Variants in TCAIM observed in about 807,000 individuals in gnomAD.
TCAIM encodes T-cell activation inhibitor, mitochondrial.
A neutral mutation model predicts 58.6 loss-of-function variants in TCAIM; 36 were observed. The observed-to-expected ratio is 0.61, with a 90% CI of 0.47 to 0.81. The LOEUF (loss-of-function observed/expected upper bound fraction) is 0.81. Among genes scored for constraint, TCAIM ranks in the 30% least tolerant of loss-of-function variants. The pLI is 0.00. For missense variants in TCAIM, 466 were observed against 579.6 expected, an observed-to-expected ratio of 0.80 and a Z score of 2.01; for synonymous variants, 172 against 193.6, an observed-to-expected ratio of 0.89 and a Z score of 0.93.
chr3:44,354,691 C>T, intron 1 of TCAIM, 48 bp from the exon 2 acceptor site: 1 of 1,331,146 alleles, frequency 7.5e-7, no homozygotes, highest in Non-Finnish European at 1.0e-6. Flanking sequence ...ATGTGTTTTA[C>T]ATTTAAAATT....
intron 6 of TCAIM, among the ~76,000 whole-genome samples, chr3:44,393,957 A>C (rs1292194743): frequency 6.6e-6 from 1 of 152,206 alleles, no homozygotes; most frequent in African/African-American, 2.4e-5. Context: ...CAGTTCTTAA[A>C]ACTGTAAGGA....
chr3:44,382,207 C>T (rs993546387), intron 5 of TCAIM, among the ~76,000 whole-genome samples: 8 of 152,162 alleles, frequency 5.3e-5, no homozygotes, highest in Non-Finnish European at 8.8e-5. Flanking sequence ...CACATTTCCT[C>T]ATTTCAAAAC....
intron 5 of TCAIM, among the ~76,000 whole-genome samples, chr3:44,387,195 T>G (rs932280207): frequency 3.3e-5 from 5 of 152,170 alleles, no homozygotes; most frequent in Admixed American, 6.5e-5. Context: ...TCCTCTCTGC[T>G]GAAAGCTGGA....
At chr3:44,398,764 G>GA (rs1390784507) in intron 8 of TCAIM, among the ~76,000 whole-genome samples, 1 of 152,004 alleles carries the variant, frequency 6.6e-6, no homozygotes, top group African/African-American at 2.4e-5. Flanking sequence ...CAAAAACTAG[G>GA]AAAAAATGAA....
intron 1 of TCAIM, among the ~76,000 whole-genome samples, chr3:44,352,921 T>C (rs1701119845): frequency 8.3e-6 from 1 of 120,538 alleles, no homozygotes; most frequent in Non-Finnish European, 1.8e-5. Context: ...TCAGATTGAC[T>C]TCTTTTTTTT....
chr3:44,360,787 G>A (rs1026095961), intron 3 of TCAIM, among the ~76,000 whole-genome samples: 3 of 151,856 alleles, frequency 2.0e-5, no homozygotes, highest in African/African-American at 7.3e-5. Context: ...TGTATTTTTT[G>A]TAGAGTCGAG....
At chr3:44,363,167 G>A (rs1701319078) in intron 4 of TCAIM, 1 of 152,190 alleles carries the variant, frequency 6.6e-6, no homozygotes, top group South Asian at 2.1e-4. Flanking sequence ...AGAGTAAACT[G>A]AATTTAAAAG....
intron 2 of TCAIM, among the ~76,000 whole-genome samples, chr3:44,355,640 TAA>T (rs1361284462): frequency 1.3e-5 from 2 of 152,230 alleles, no homozygotes; most frequent in Non-Finnish European, 2.9e-5. Flanking sequence ...TTGAACATTG[TAA>T]AGTGAGAAGA....
intron 4 of TCAIM, 113 bp downstream of exon 4, chr3:44,361,631 A>G (rs1310009081): frequency 9.5e-7 from 1 of 1,049,458 alleles, no homozygotes; most frequent in Non-Finnish European, 1.3e-6. Flanking sequence ...GAAAAATAAT[A>G]GCATTTAATT....
At chr3:44,405,859 G>A (rs1215184636) in intron 10 of TCAIM, among the ~76,000 whole-genome samples, 20 of 150,822 alleles carry the variant, frequency 1.3e-4, no homozygotes, top group African/African-American at 4.9e-4. Flanking sequence ...GGCTGAGGCA[G>A]GAGAATCGCT....
intron 1 of TCAIM, among the ~76,000 whole-genome samples, chr3:44,344,023 CTTTTT>C (rs5848695): frequency 1.7e-5 from 2 of 118,370 alleles, no homozygotes; most frequent in African/African-American, 3.1e-5. Context: ...GATGGAAATG[CTTTTT>C]TTTTTTTTTT....
chr3:44,391,981 A>AT (rs1701845624), intron 5 of TCAIM, among the ~76,000 whole-genome samples: 1 of 152,202 alleles, frequency 6.6e-6, no homozygotes, highest in South Asian at 2.1e-4. Flanking sequence ...CATAATTAGT[A>AT]TTAGTTCTAC....
intron 5 of TCAIM, among the ~76,000 whole-genome samples, chr3:44,381,529 T>C (rs1575265103): frequency 6.6e-6 from 1 of 152,130 alleles, no homozygotes; most frequent in East Asian, 1.9e-4. Context: ...GCAAACATCA[T>C]TCTCAGTAGT....
chr3:44,344,979 C>T (rs537520322), intron 1 of TCAIM, among the ~76,000 whole-genome samples: 7 of 152,294 alleles, frequency 4.6e-5, no homozygotes, highest in African/African-American at 1.7e-4. Flanking sequence ...TCAGTTACTT[C>T]AGGCCATCTG....
rs755146912 is a variant in TCAIM at position 44,354,767 on chromosome 3, AC to A, written c.-15del. The A allele has an allele frequency of 1.9e-6, 3 of 1,608,046 alleles. No individual in the cohort carries two copies. The African/African-American group carries it at 4.0e-5, about 22-fold the overall frequency. On this transcript the variant is annotated 5_prime_UTR_variant, in exon 2 of 11. An upstream open reading frame in the 5' UTR gains an earlier in-frame stop. Coordinates refer to ENST00000342649, the MANE Select transcript of TCAIM (RefSeq NM_173826.4). ...TTAATGGATGCCTCGAAGTTGACGTACATATATATTCAGAAATGTTTTGCCA... is the reference window on the plus strand; with the variant it reads ...TTAATGGATGCCTCGAAGTTGACGTAATATATATTCAGAAATGTTTTGCCA...
intron 4 of TCAIM, among the ~76,000 whole-genome samples, chr3:44,365,330 A>G (rs1201443143): frequency 6.6e-6 from 1 of 151,982 alleles, no homozygotes; most frequent in Non-Finnish European, 1.5e-5. Context: ...ATCAGTTGCA[A>G]ATACTTTTTT....
At chr3:44,344,377 A>G (rs543326894) in intron 1 of TCAIM, among the ~76,000 whole-genome samples, 8 of 152,322 alleles carry the variant, frequency 5.3e-5, no homozygotes, top group African/African-American at 1.9e-4. Context: ...TCCATGATTA[A>G]AAGTCATTAA....
intron 5 of TCAIM, among the ~76,000 whole-genome samples, chr3:44,378,776 A>T (rs1165577575): frequency 2.0e-5 from 3 of 151,122 alleles, no homozygotes; most frequent in Admixed American, 2.0e-4. Context: ...ACTCCACGGC[A>T]ACAGAGCGAG....
chr3:44,344,951 C>T (rs2125624225), intron 1 of TCAIM, among the ~76,000 whole-genome samples: 1 of 152,298 alleles, frequency 6.6e-6, no homozygotes, highest in East Asian at 1.9e-4. Context: ...CGGCCATTTT[C>T]ACTTCTTTTG....
Sources: gnomAD v4.1 joint callset for allele counts (sites outside exome capture counted in the v4.1 genomes callset) on GRCh38, gnomAD v4.1.1 for gene constraint, MANE v1.5 for transcripts, NCBI Gene and HGNC (gene_info 2026-07-23, HGNC 2026-07-21) for gene names.